The following FHL2 variants were observed in gnomAD, a reference collection of about 807,000 sequenced individuals.
The protein encoded by FHL2 is four and a half LIM domains protein 2.
In FHL2, 20 loss-of-function variants were observed where a neutral mutation model predicts 32.7. That is an observed-to-expected ratio of 0.61 (90% CI 0.43 to 0.89). The LOEUF is 0.89. FHL2 is among the 40% of genes least tolerant of loss of function. The probability of loss-of-function intolerance (pLI) is 0.00; values close to 1 mark genes in which losing one functional copy is unlikely to be tolerated. For synonymous variants in FHL2, 123 were observed against 128.1 expected (o/e 0.96, Z 0.27); for missense variants, 311 against 358.6 (o/e 0.87, Z 1.07).
chr2:105,403,387 T>C (rs1420111537), upstream of FHL2, among the ~76,000 whole-genome samples: 1 of 152,242 alleles, frequency 6.6e-6, no homozygotes, highest in African/African-American at 2.4e-5. Flanking sequence ...TGATCAGTTA[T>C]TCAAGTTCTT....
chr2:105,421,102 T>C (rs774245008), intron 1 of FHL2, among the ~76,000 whole-genome samples: 1 of 152,224 alleles, frequency 6.6e-6, no homozygotes, highest in Non-Finnish European at 1.5e-5. Context: ...AGATGCAGTT[T>C]ATGGTCAGAC....
upstream of FHL2, among the ~76,000 whole-genome samples, chr2:105,400,686 AT>A (rs57296524): frequency 0.018 from 2,405 of 132,830 alleles, 69 homozygotes; most frequent in African/African-American, 0.059. Context: ...TTATATTTTA[AT>A]TTTTTTTTTT....
chr2:105,396,064 A>G (rs1325462977), intron 2 of FHL2, among the ~76,000 whole-genome samples: 1 of 152,198 alleles, frequency 6.6e-6, no homozygotes, highest in Non-Finnish European at 1.5e-5. Flanking sequence ...AAAAAAAGGG[A>G]GAATGACAGT....
intron 5 of FHL2, 84 bp downstream of exon 5, chr2:105,367,486 G>T: frequency 7.2e-7 from 1 of 1,381,318 alleles, no homozygotes; most frequent in Non-Finnish European, 9.9e-7. Context: ...AGGTATCCTT[G>T]GTTTTGGAAA....
chr2:105,399,161 C>A, upstream of FHL2: 3 of 1,361,160 alleles, frequency 2.2e-6, 1 homozygote, highest in Non-Finnish European at 2.8e-6. Flanking sequence ...GGGGGGCGGG[C>A]GCCCCCAGGC....
At chr2:105,363,826 C>G (rs1333954665) in intron 5 of FHL2, among the ~76,000 whole-genome samples, 3 of 152,172 alleles carry the variant, frequency 2.0e-5, no homozygotes, top group African/African-American at 7.2e-5. Context: ...TCAAGGAGAC[C>G]TGGGTTTGAA....
At chr2:105,422,211 T>G (rs1411024538) in intron 1 of FHL2, among the ~76,000 whole-genome samples, 1 of 152,242 alleles carries the variant, frequency 6.6e-6, no homozygotes, top group Non-Finnish European at 1.5e-5. Flanking sequence ...TGTAACTTGT[T>G]TGCTTTTATG....
chr2:105,369,652 G>A (rs1171117162), intron 4 of FHL2, among the ~76,000 whole-genome samples: 2 of 152,222 alleles, frequency 1.3e-5, no homozygotes, highest in Admixed American at 6.5e-5. Context: ...AGTAAAAATA[G>A]TGGAAGGACT....
chr2:105,384,275 A>T (rs112160872), intron 3 of FHL2, among the ~76,000 whole-genome samples: 69 of 152,256 alleles, frequency 4.5e-4, no homozygotes, highest in African/African-American at 1.6e-3. Context: ...TCTTCCTCAA[A>T]CTGGACATTT....
At chr2:105,376,112 A>C (rs1049571385) in intron 3 of FHL2, 1 of 152,184 alleles carries the variant, frequency 6.6e-6, no homozygotes, top group Non-Finnish European at 1.5e-5. Context: ...GATGACCATC[A>C]TTACCCCATC....
chr2:105,379,524 G>A (rs1203397076), intron 3 of FHL2, among the ~76,000 whole-genome samples: 1 of 152,116 alleles, frequency 6.6e-6, no homozygotes, highest in Non-Finnish European at 1.5e-5. Context: ...ATGAAATAAA[G>A]TTTTATTCTT....
chr2:105,381,909 G>A (rs976938038), intron 3 of FHL2, among the ~76,000 whole-genome samples: 7 of 152,096 alleles, frequency 4.6e-5, no homozygotes, highest in Admixed American at 2.0e-4. Flanking sequence ...GACCAGCGAG[G>A]GAGGCCTGTG....
intron 1 of FHL2, among the ~76,000 whole-genome samples, chr2:105,397,476 G>A (rs1558716367): frequency 6.6e-6 from 1 of 152,038 alleles, no homozygotes; most frequent in Non-Finnish European, 1.5e-5. Flanking sequence ...ACAGGTTGAG[G>A]GACCCGGATG....
chr2:105,367,830 G>T lies in FHL2; in HGVS notation c.332-91C>A, dbSNP rs1573289733. 14 of 1,352,004 alleles carry T rather than the reference G, an allele frequency of 1.0e-5. No individual in the cohort carries two copies. The Admixed American group carries it at 1.1e-4, about 11-fold the overall frequency. 83.8% of individuals were successfully genotyped at this position (1,352,004 alleles called of 1,614,324 possible). A position where few individuals can be genotyped will look rare whatever the true frequency, so the allele number is the denominator to read the frequency against. ...TGCCTTCAGAGCTTGCTGCCCTCTA[G>T]TTTTATGACCAGAGCAAGCCACTTC... On this transcript the variant is annotated intron_variant, in intron 4 of 6. Transcript: ENST00000530340.
At chr2:105,413,470 GA>G (rs898106267) in intron 1 of FHL2, among the ~76,000 whole-genome samples, 6 of 146,490 alleles carry the variant, frequency 4.1e-5, no homozygotes, top group African/African-American at 1.0e-4. Flanking sequence ...TAAGATATCA[GA>G]AAAAAAAAAC....
chr2:105,423,801 G>T (rs1684177083), intron 1 of FHL2, among the ~76,000 whole-genome samples: 2 of 152,190 alleles, frequency 1.3e-5, no homozygotes, highest in Admixed American at 1.3e-4. Context: ...TATAAATGGT[G>T]TTGGGAAAAC....
intron 1 of FHL2, among the ~76,000 whole-genome samples, chr2:105,436,955 G>A (rs1317915474): frequency 6.6e-6 from 1 of 152,100 alleles, no homozygotes. Context: ...TTCAGAGATC[G>A]GTAGAAAGAG....
At chr2:105,436,813 T>C (rs970316727) in intron 1 of FHL2, among the ~76,000 whole-genome samples, 6 of 152,342 alleles carry the variant, frequency 3.9e-5, no homozygotes, top group African/African-American at 1.4e-4. Flanking sequence ...CTGGTCTGTA[T>C]TTTTTATAGT....
At chr2:105,362,003 A>G (rs1417541757) in intron 6 of FHL2, among the ~76,000 whole-genome samples, 1 of 152,244 alleles carries the variant, frequency 6.6e-6, no homozygotes, top group African/African-American at 2.4e-5. Flanking sequence ...GTCCGTGATT[A>G]TAATACAGTT....
Sources: allele counts gnomAD v4.1 joint callset (sites outside exome capture counted in the v4.1 genomes callset), GRCh38; gene constraint gnomAD v4.1.1; transcripts MANE v1.5; gene names NCBI Gene and HGNC (gene_info 2026-07-23, HGNC 2026-07-21).